PAQR3: variants seen among roughly 807,000 people sequenced by gnomAD.
The protein encoded by PAQR3 is progestin and adipoQ receptor family member 3, also known as Raf kinase trapping to Golgi.
A neutral mutation model predicts 41.7 loss-of-function variants in PAQR3; 39 were observed. That is an observed-to-expected ratio of 0.93 (90% CI 0.72 to 1.22). The LOEUF (loss-of-function observed/expected upper bound fraction) is 1.22, where lower values mean the gene tolerates loss of function less well. Among genes scored for constraint, PAQR3 ranks in the 50% most tolerant of loss-of-function variants. The pLI is 0.00. For synonymous variants in PAQR3, 140 were observed against 140.6 expected, an observed-to-expected ratio of 1.00 and a Z score of 0.03; for missense variants, 366 against 385.6, an observed-to-expected ratio of 0.95 and a Z score of 0.42.
chr4:78,910,766 C>T, downstream of PAQR3: 2 of 1,613,800 alleles, frequency 1.2e-6, no homozygotes, highest in South Asian at 1.1e-5. Flanking sequence ...AATGATGAAT[C>T]TGAAAGTGAT....
downstream of PAQR3, among the ~76,000 whole-genome samples, chr4:78,906,937 T>A (rs915954505): frequency 1.3e-5 from 2 of 152,130 alleles, no homozygotes; most frequent in African/African-American, 4.8e-5. Flanking sequence ...TGGGTTAGCT[T>A]TAGTAGCTGT....
At chr4:78,890,102 G>A (rs62307963) in intron 11 of PAQR3, among the ~76,000 whole-genome samples, 25,730 of 151,718 alleles carry the variant, frequency 0.17, 4,470 homozygotes, top group African/African-American at 0.45. Context: ...CTTACAAAGT[G>A]ATTTGTAAAT....
chr4:78,917,598 A>T lies in PAQR3; in HGVS notation c.*2941T>A. ...AAGGTATTTCTACCCCTTCTCTAAT[A>T]GGTGAGCTGATTCTTTACACACTTG... is the stretch of plus-strand genomic sequence containing the variant. On this transcript the variant is annotated 3_prime_UTR_variant, in exon 6 of 6. Coordinates refer to ENST00000512733, the MANE Select transcript of PAQR3 (RefSeq NM_001040202.2). The T allele has an allele frequency of 6.4e-6, 1 of 156,696 alleles. No individual in the cohort carries two copies. Among genetic ancestry groups the T allele is most frequent in the Non-Finnish European group, 1.4e-5 (1 of 72,184 alleles). The allele number at this position is 156,696 out of a possible 1,614,324, so 9.7% of individuals were successfully genotyped here.
At chr4:78,933,912 A>G (rs935783594) in intron 2 of PAQR3, among the ~76,000 whole-genome samples, 1 of 152,220 alleles carries the variant, frequency 6.6e-6, no homozygotes, top group African/African-American at 2.4e-5. Context: ...GATAATATGC[A>G]TATAACTAAC....
intron 4 of PAQR3, among the ~76,000 whole-genome samples, chr4:78,925,388 G>T (rs1245215003): frequency 6.6e-6 from 1 of 152,016 alleles, no homozygotes; most frequent in Non-Finnish European, 1.5e-5. Context: ...AAAATTGTCA[G>T]AAAGATGTTT....
intron 11 of PAQR3, among the ~76,000 whole-genome samples, chr4:78,904,911 G>T (rs1560556386): frequency 6.6e-6 from 1 of 151,820 alleles, no homozygotes; most frequent in Non-Finnish European, 1.5e-5. Context: ...CTACAATAAT[G>T]AATCTTTGAA....
At chr4:78,924,822 TAG>T (rs1736028073) in intron 4 of PAQR3, among the ~76,000 whole-genome samples, 1 of 150,712 alleles carries the variant, frequency 6.6e-6, no homozygotes, top group Non-Finnish European at 1.5e-5. Context: ...TTGAAGGCAA[TAG>T]AGAGAGACTC....
At chr4:78,926,759 A>G (rs745848454) in intron 3 of PAQR3, 41 bp from the exon 4 acceptor site, 1 of 1,570,962 alleles carries the variant, frequency 6.4e-7, no homozygotes. Flanking sequence ...TGTTATTAAC[A>G]ATAAAGGAAC....
chr4:78,917,431 C>G lies in PAQR3; in HGVS notation c.*3108G>C, dbSNP rs1339651599. The G allele has an allele frequency of 6.6e-6, 1 of 151,912 alleles. No homozygotes were observed. The highest frequency in any genetic ancestry group is 1.9e-4 in the East Asian group (1 of 5,194). 9.4% of individuals were successfully genotyped at this position (151,912 alleles called of 1,614,324 possible). A position where few individuals can be genotyped will look rare whatever the true frequency, so the allele number is the denominator to read the frequency against. ...ACCCCCTACTGCTATTTACCTCTCC[C>G]TTCCAAAAATGTTTTCTTAAGGGTA... On this transcript the variant is annotated 3_prime_UTR_variant, in exon 6 of 6. Coordinates refer to ENST00000512733, the MANE Select transcript of PAQR3 (RefSeq NM_001040202.2).
intron 11 of PAQR3, among the ~76,000 whole-genome samples, chr4:78,891,052 T>C (rs1458764126): frequency 6.6e-6 from 1 of 152,066 alleles, no homozygotes; most frequent in Non-Finnish European, 1.5e-5. Context: ...AAATACAAAA[T>C]AAACTTTGCT....
intron 11 of PAQR3, among the ~76,000 whole-genome samples, chr4:78,904,243 C>G (rs1427091580): frequency 6.6e-6 from 1 of 151,800 alleles, no homozygotes; most frequent in Non-Finnish European, 1.5e-5. Flanking sequence ...GAAAAAAGTT[C>G]TAAGAAAGAT....
chr4:78,938,923 TG>T, intron 1 of PAQR3, 116 bp downstream of exon 1: 1 of 987,544 alleles, frequency 1.0e-6, no homozygotes, highest in Non-Finnish European at 1.5e-6. Flanking sequence ...ATGAAAAGGA[TG>T]GGGCGGCGAG....
downstream of PAQR3, among the ~76,000 whole-genome samples, chr4:78,909,055 C>CTTTTTTTTTTT (rs1053664659): frequency 4.2e-5 from 4 of 94,408 alleles, no homozygotes; most frequent in Non-Finnish European, 5.9e-5. Flanking sequence ...TTCCCTTAGT[C>CTTTTTTTTTTT]TTTTTTTTTT....
At chr4:78,909,637 T>G (rs372672155), downstream of PAQR3, among the ~76,000 whole-genome samples, 22 of 152,296 alleles carry the variant, frequency 1.4e-4, no homozygotes, top group African/African-American at 4.8e-4. Context: ...CAGCTTATCC[T>G]TTGCATGGCT....
intron 4 of PAQR3, among the ~76,000 whole-genome samples, chr4:78,926,057 T>C (rs1578019204): frequency 6.6e-6 from 1 of 152,214 alleles, no homozygotes; most frequent in African/African-American, 2.4e-5. Flanking sequence ...TCCCAGATCC[T>C]ATCTCTACCT....
At chr4:78,887,085 C>A (rs1560546321), downstream of PAQR3, 2 of 921,008 alleles carry the variant, frequency 2.2e-6, no homozygotes, top group Non-Finnish European at 3.3e-6. Flanking sequence ...CTTTAATTTT[C>A]ACTTTTATTT....
intron 11 of PAQR3, among the ~76,000 whole-genome samples, chr4:78,888,379 TC>T (rs1733221394): frequency 6.6e-6 from 1 of 152,202 alleles, no homozygotes. Context: ...ATTATTACTG[TC>T]TAAAATTATA....
chr4:78,925,822 TGTAA>T (rs1444830357), intron 4 of PAQR3, among the ~76,000 whole-genome samples: 7 of 152,200 alleles, frequency 4.6e-5, no homozygotes, highest in African/African-American at 1.7e-4. Flanking sequence ...TCTCTAAAAA[TGTAA>T]GTCTTATTTC....
chr4:78,911,927 C>T lies in PAQR3; in HGVS notation c.*8612G>A. On this transcript the variant is annotated 3_prime_UTR_variant, in exon 6 of 6. Transcript: ENST00000512733. The stretch of plus-strand genomic sequence containing the variant: ...AAAATGGATGATTTTGGTGCCGTGC[C>T]CTTTACAGAACTTGTGGTGCAAAGC... The T allele has an allele frequency of 6.2e-7, 1 of 1,613,946 alleles. No homozygotes were observed. Among genetic ancestry groups the T allele is most frequent in the Non-Finnish European group, 8.5e-7 (1 of 1,179,870 alleles).
Sources: allele counts gnomAD v4.1 joint callset (sites outside exome capture counted in the v4.1 genomes callset), GRCh38; gene constraint gnomAD v4.1.1; transcripts MANE v1.5; gene names NCBI Gene and HGNC (gene_info 2026-07-23, HGNC 2026-07-21).